The following DOCK4 variants were observed in gnomAD, a reference collection of about 807,000 sequenced individuals.
The protein encoded by DOCK4 is dedicator of cytokinesis protein 4.
Under a neutral mutation model 268.1 loss-of-function variants are expected in DOCK4, and 97 were observed. The observed-to-expected ratio is 0.36, with a 90% CI of 0.31 to 0.43. The LOEUF (loss-of-function observed/expected upper bound fraction) is 0.43, where lower values mean the gene tolerates loss of function less well. DOCK4 is among the 20% of genes least tolerant of loss of function. The pLI is 1.00. For missense variants in DOCK4, 2,145 were observed against 2,455.7 expected (o/e 0.87, Z 2.67); for synonymous variants, 954 against 887.2 (o/e 1.08, Z -1.34).
At chr7:111,892,933 G>T (rs1808414214) in intron 16 of DOCK4, among the ~76,000 whole-genome samples, 1 of 152,144 alleles carries the variant, frequency 6.6e-6, no homozygotes, top group Non-Finnish European at 1.5e-5. Context: ...AGCTACTTGG[G>T]GTTTTTTCTG....
chr7:111,888,300 C>T (rs1166589670), intron 16 of DOCK4, among the ~76,000 whole-genome samples: 1 of 150,374 alleles, frequency 6.7e-6, no homozygotes, highest in Admixed American at 6.6e-5. Context: ...TCATCTAGGA[C>T]TATTTTTTAT....
In DOCK4 at chr7:111,808,865, C is replaced by G; in HGVS notation, c.3122G>C (p.Arg1041Pro). 1 of 1,613,034 alleles carries G rather than the reference C, an allele frequency of 6.2e-7. No homozygotes were observed. Among genetic ancestry groups the G allele is most frequent in the Non-Finnish European group, 8.5e-7 (1 of 1,179,554 alleles). Residue 1041 changes from arginine (R) to proline (P), a missense_variant, in exon 30 of 53, where the codon CGG (arginine) becomes CCG (proline). Physicochemically the swap from Arg to Pro is moderately radical, Grantham distance 103. Around this residue, in one of 2 missense-constraint regions of DOCK4, gnomAD observed 1,598 missense variants for 1,986.7 expected, o/e 0.80. Transcript: ENST00000428084. ...KKVLEKYGDM[R>P]VTMGCEIFSM... is the part of the protein sequence containing the mutation. ...GAAAATTTCACAACCCATTGTTACC[C>G]GCATGTCACCATACCTGAAATAGAA...
chr7:112,003,464 A>C (rs949311362), intron 2 of DOCK4, among the ~76,000 whole-genome samples: 6 of 152,256 alleles, frequency 3.9e-5, no homozygotes, highest in Non-Finnish European at 7.3e-5. Flanking sequence ...AGGATGTTTC[A>C]TGGAACAGGA....
intron 1 of DOCK4, among the ~76,000 whole-genome samples, chr7:112,078,791 C>T (rs1227423921): frequency 1.3e-5 from 2 of 152,108 alleles, no homozygotes; most frequent in Non-Finnish European, 2.9e-5. Flanking sequence ...GTCTCTGCTC[C>T]AAACATAGAC....
chr7:112,063,032 C>T (rs1806576624), intron 1 of DOCK4, among the ~76,000 whole-genome samples: 1 of 152,194 alleles, frequency 6.6e-6, no homozygotes, highest in African/African-American at 2.4e-5. Flanking sequence ...TATCTACACA[C>T]AGTTGCCTCC....
intron 1 of DOCK4, among the ~76,000 whole-genome samples, chr7:112,026,910 A>C (rs1802849293): frequency 6.6e-6 from 1 of 152,190 alleles, no homozygotes; most frequent in African/African-American, 2.4e-5. Context: ...CAAAAGTTCA[A>C]ATTAAAGAGA....
chr7:111,835,355 C>T (rs1480961380), intron 25 of DOCK4, among the ~76,000 whole-genome samples: 1 of 152,072 alleles, frequency 6.6e-6, no homozygotes, highest in Non-Finnish European at 1.5e-5. Flanking sequence ...ATTCAGATGT[C>T]TTGGAAGATT....
intron 1 of DOCK4, among the ~76,000 whole-genome samples, chr7:112,105,619 T>G (rs1463921569): frequency 2.0e-5 from 3 of 151,646 alleles, no homozygotes; most frequent in African/African-American, 7.3e-5. Flanking sequence ...CTTTCCTTTT[T>G]CCTCTTTCTT....
At chr7:111,819,470 TC>T in intron 27 of DOCK4, 1 of 152,182 alleles carries the variant, frequency 6.6e-6, no homozygotes, top group East Asian at 1.9e-4. Flanking sequence ...AAGAAATGCT[TC>T]TTGCCCTGGC....
chr7:111,848,171 T>C (rs1307851447), intron 23 of DOCK4, among the ~76,000 whole-genome samples: 1 of 152,256 alleles, frequency 6.6e-6, no homozygotes, highest in Non-Finnish European at 1.5e-5. Context: ...TCTCTTGAGC[T>C]ATCTTCTGCT....
chr7:111,817,363 T>C (rs919131759), intron 27 of DOCK4, among the ~76,000 whole-genome samples: 1 of 152,206 alleles, frequency 6.6e-6, no homozygotes, highest in Non-Finnish European at 1.5e-5. Flanking sequence ...GCAGATTAGC[T>C]ACTCTACCAC....
intron 1 of DOCK4, among the ~76,000 whole-genome samples, chr7:112,033,709 A>T (rs1410833412): frequency 6.6e-6 from 1 of 152,210 alleles, no homozygotes; most frequent in Non-Finnish European, 1.5e-5. Context: ...GAGAGCCAGC[A>T]CTAGTTTTCC....
intron 21 of DOCK4, 80 bp downstream of exon 21, chr7:111,869,494 G>C: frequency 8.1e-7 from 1 of 1,241,872 alleles, no homozygotes; most frequent in Non-Finnish European, 1.2e-6. Context: ...ATTACTGTCT[G>C]TGTAGAGGAA....
intron 5 of DOCK4, among the ~76,000 whole-genome samples, chr7:111,991,385 T>C (rs953561917): frequency 2.2e-4 from 33 of 152,210 alleles, no homozygotes; most frequent in African/African-American, 7.5e-4. Flanking sequence ...TGGATAGTTA[T>C]GAAGGCTATT....
At chr7:112,047,541 A>T (rs1476275021) in intron 1 of DOCK4, among the ~76,000 whole-genome samples, 2 of 152,206 alleles carry the variant, frequency 1.3e-5, no homozygotes, top group Non-Finnish European at 2.9e-5. Context: ...ATTTTTAGAG[A>T]TTTTGTAAAA....
intron 1 of DOCK4, among the ~76,000 whole-genome samples, chr7:112,154,643 T>C (rs1379962411): frequency 6.6e-6 from 1 of 152,176 alleles, no homozygotes; most frequent in African/African-American, 2.4e-5. Flanking sequence ...AAACAGACAC[T>C]GATATGTTTT....
intron 1 of DOCK4, among the ~76,000 whole-genome samples, chr7:112,134,991 A>ATGTG (rs576509921): frequency 2.2e-3 from 338 of 151,706 alleles, no homozygotes; most frequent in African/African-American, 7.6e-3. Context: ...TAAAACATAT[A>ATGTG]TGTGTGTGTG....
At chr7:112,201,671 G>C (rs933609024) in intron 1 of DOCK4, among the ~76,000 whole-genome samples, 1 of 151,548 alleles carries the variant, frequency 6.6e-6, no homozygotes, top group Non-Finnish European at 1.5e-5. Flanking sequence ...GGGGAGGAAT[G>C]GGGGGGTGTG....
chr7:112,178,642 A>G (rs1818728353), intron 1 of DOCK4, among the ~76,000 whole-genome samples: 1 of 152,238 alleles, frequency 6.6e-6, no homozygotes. Context: ...CTGACAGAGA[A>G]GCTGCCTCAA....
Sources: allele counts gnomAD v4.1 joint callset (sites outside exome capture counted in the v4.1 genomes callset), GRCh38; gene constraint gnomAD v4.1.1; regional missense constraint gnomAD v4.1.1; transcripts MANE v1.5; gene names NCBI Gene and HGNC (gene_info 2026-07-23, HGNC 2026-07-21).